The following ESRRB variants were observed in gnomAD, a reference collection of about 807,000 sequenced individuals.
ESRRB encodes steroid hormone receptor ERR2.
A neutral mutation model predicts 46.0 loss-of-function variants in ESRRB; 16 were observed. That is an observed-to-expected ratio of 0.35 (90% CI 0.24 to 0.53). ESRRB has a LOEUF of 0.53. Among genes scored for constraint, ESRRB ranks in the 20% least tolerant of loss-of-function variants. The probability of loss-of-function intolerance (pLI) is 0.93; values close to 1 mark genes in which losing one functional copy is unlikely to be tolerated. For missense variants in ESRRB, 488 were observed against 607.4 expected, an observed-to-expected ratio of 0.80 and a Z score of 2.07; for synonymous variants, 246 against 259.6, an observed-to-expected ratio of 0.95 and a Z score of 0.50.
Position 76,398,596 on chromosome 14 carries a change from G to A in ESRRB, c.50+22145G>A, listed in dbSNP as rs138192155. On this transcript the variant is annotated intron_variant, in intron 1 of 6. Transcript: ENST00000644823. ...GGTGGAAGGAGGGTAGGGCTGTGGG[G>A]GAAGGGGTCAGAGGAGAGGATTGCC... Among the ~76,000 whole-genome samples, 634 of 152,278 alleles carry A rather than the reference G, an allele frequency of 4.2e-3. 6 individuals carry two copies. Among genetic ancestry groups the A allele is most frequent in the African/African-American group, 0.014 (584 of 41,548 alleles).
At chr14:76,341,409 C>G (rs189185955) in intron 1 of ESRRB, among the ~76,000 whole-genome samples, 30 of 152,368 alleles carry the variant, frequency 2.0e-4, no homozygotes, top group African/African-American at 6.0e-4. Context: ...TTCATGTACT[C>G]CCCTCCCTGT....
At chr14:76,338,339 G>T (rs11625186) in intron 1 of ESRRB, among the ~76,000 whole-genome samples, 13,988 of 152,230 alleles carry the variant, frequency 0.092, 780 homozygotes, top group Middle Eastern at 0.16. Context: ...GAGTGCCTGA[G>T]GGGAGCCTGC....
At chr14:76,493,041 T>C (rs185813659) in intron 6 of ESRRB, among the ~76,000 whole-genome samples, 1 of 152,236 alleles carries the variant, frequency 6.6e-6, no homozygotes, top group Non-Finnish European at 1.5e-5. Flanking sequence ...CTGGGTCAGA[T>C]AGACCCAAGT....
chr14:76,452,888 C>T (rs1888453177), intron 2 of ESRRB, among the ~76,000 whole-genome samples: 1 of 152,272 alleles, frequency 6.6e-6, no homozygotes, highest in South Asian at 2.1e-4. Context: ...CACAGAGACC[C>T]TGGAGAGTTT....
chr14:76,472,245 T>C lies in ESRRB; in HGVS notation c.577+9584T>C, dbSNP rs980539109. On this transcript the variant is annotated intron_variant, in intron 3 of 6. Coordinates refer to ENST00000644823, the MANE Select transcript of ESRRB (RefSeq NM_001379180.1). ...TCAGGCGTACAGTTTTGGAGACTTC[T>C]TGGCAGTTGGGAATGCAGGCGTAAC... 3.9e-5 allele frequency among the ~76,000 whole-genome samples: 6 copies of C among 152,232 alleles called. 1 individual carries two copies. The highest frequency in any genetic ancestry group is 8.8e-5 in the Non-Finnish European group (6 of 68,038).
Position 76,376,272 on chromosome 14 carries a change from C to T in ESRRB, c.-130C>T. On this transcript the variant is annotated 5_prime_UTR_variant, in exon 1 of 7. Transcript: ENST00000644823. This position sits in a 1 kb window ranked among gnomAD's most constrained non-coding sequence, Gnocchi z 4.1. ...CCCTCTCCCCCGCCGCGGCCGCCTC[C>T]TCCCACTCTGCGTTCTCGCGCTCAC... is the stretch of plus-strand genomic sequence containing the variant. The T allele has an allele frequency of 1.6e-6, 1 of 636,324 alleles. No homozygotes were observed. Among genetic ancestry groups the T allele is most frequent in the Non-Finnish European group, 2.3e-6 (1 of 444,142 alleles). The allele number at this position is 636,324 out of a possible 1,614,324, so 39.4% of individuals were successfully genotyped here.
chr14:76,497,691 G>A (rs899553613), intron 6 of ESRRB, among the ~76,000 whole-genome samples: 1 of 152,204 alleles, frequency 6.6e-6, no homozygotes, highest in Non-Finnish European at 1.5e-5. Flanking sequence ...TGGGGAGCTG[G>A]TGCCTGGCAG....
rs1362309981 is a variant in ESRRB, at chr14:76,463,445, G to GTTTTTTTTGTTTTTTTTTTTTTT, written c.577+792_577+793insGTTTTTTTTTTTTTTTTTTTTTT. 23 of 114,706 alleles carry GTTTTTTTTGTTTTTTTTTTTTTT rather than the reference G, an allele frequency of 2.0e-4. 3 individuals carry two copies. Among genetic ancestry groups the GTTTTTTTTGTTTTTTTTTTTTTT allele is most frequent in the African/African-American group, 3.3e-4 (9 of 27,290 alleles). The allele number at this position is 114,706 out of a possible 1,614,324, so 7.1% of individuals were successfully genotyped here. A position where few individuals can be genotyped will look rare whatever the true frequency, so the allele number is the denominator to read the frequency against. ...TGAAATTAGCATCACATGCTTCTTTGTTTTTTTTTTTTTTTTTTGGAGACG... is the reference window on the plus strand; with the variant it reads ...TGAAATTAGCATCACATGCTTCTTTGTTTTTTTTGTTTTTTTTTTTTTTTTTTTTTTTTTTTTTTTTGGAGACG... On this transcript the variant is annotated intron_variant, in intron 3 of 6. Coordinates refer to ENST00000644823, the MANE Select transcript of ESRRB (RefSeq NM_001379180.1).
At chr14:76,348,684 G>T (rs1451422968) in intron 1 of ESRRB, among the ~76,000 whole-genome samples, 1 of 152,120 alleles carries the variant, frequency 6.6e-6, no homozygotes, top group African/African-American at 2.4e-5. Context: ...CTAGGCTGAG[G>T]GATCATATTT....
At chr14:76,357,776 G>A (rs1391353139) in intron 1 of ESRRB, among the ~76,000 whole-genome samples, 1 of 152,118 alleles carries the variant, frequency 6.6e-6, no homozygotes, top group Non-Finnish European at 1.5e-5. Context: ...TTGGCCTCCC[G>A]AGTAGCTGGG....
chr14:76,341,567 T>C (rs928516940), intron 1 of ESRRB, among the ~76,000 whole-genome samples: 5 of 152,240 alleles, frequency 3.3e-5, no homozygotes, highest in African/African-American at 1.2e-4. Context: ...CCAAGTTTCC[T>C]AGGGAAGATG....
chr14:76,371,959 A>G (rs1451702402), upstream of ESRRB, among the ~76,000 whole-genome samples: 4 of 152,076 alleles, frequency 2.6e-5, no homozygotes, highest in Non-Finnish European at 4.4e-5. Flanking sequence ...TTTGTGCAAA[A>G]ATGGCTGGTG....
At chr14:76,349,169 G>A (rs938555865) in intron 1 of ESRRB, among the ~76,000 whole-genome samples, 3 of 152,316 alleles carry the variant, frequency 2.0e-5, no homozygotes, top group South Asian at 2.1e-4. Flanking sequence ...TTAAAGCAGC[G>A]AGGGCTGGCG....
At chr14:76,396,822 C>T (rs4903408) in intron 1 of ESRRB, among the ~76,000 whole-genome samples, 9,731 of 152,284 alleles carry the variant, frequency 0.064, 420 homozygotes, top group East Asian at 0.13. Flanking sequence ...GATGCAGCAG[C>T]CAGGCTCGGC....
At chr14:76,430,742 G>C (rs545510973) in intron 1 of ESRRB, among the ~76,000 whole-genome samples, 1 of 152,324 alleles carries the variant, frequency 6.6e-6, no homozygotes, top group African/African-American at 2.4e-5. Context: ...GAACTGGCAC[G>C]TCTGCTACCA....
At position 76,484,936 on chromosome 14, in the gene ESRRB, G is replaced by A. The variant is rs373159946; in HGVS notation, c.850+2177G>A. On this transcript the variant is annotated intron_variant, in intron 5 of 6. Coordinates refer to ENST00000644823, the MANE Select transcript of ESRRB (RefSeq NM_001379180.1). ...ATGTAGCGCGCTTAGTGTGTACACC[G>A]GGTGAATGGCAGAGACGCTTACCAG... 5.3e-5 allele frequency among the ~76,000 whole-genome samples: 8 copies of A among 152,350 alleles called. No homozygotes were observed. In the South Asian group the frequency reaches 1.5e-3, roughly 28 times the overall value.
At chr14:76,332,749 T>C (rs1487922578) in intron 1 of ESRRB, among the ~76,000 whole-genome samples, 28 of 15,762 alleles carry the variant, frequency 1.8e-3, no homozygotes, top group Non-Finnish European at 2.8e-3. Flanking sequence ...TATATTTATA[T>C]ATTATATATA....
chr14:76,420,267 C>A (rs369468755), intron 1 of ESRRB, among the ~76,000 whole-genome samples: 2 of 152,048 alleles, frequency 1.3e-5, no homozygotes, highest in African/African-American at 4.8e-5. Context: ...TCAGGCCCCC[C>A]CAGCAGATGG....
chr14:76,355,749 G>A (rs1000489384), intron 1 of ESRRB, among the ~76,000 whole-genome samples: 1 of 152,116 alleles, frequency 6.6e-6, no homozygotes, highest in Non-Finnish European at 1.5e-5. Context: ...ATACATCAGA[G>A]CACCCAGCAC....
Sources: gnomAD v4.1 joint callset for allele counts (sites outside exome capture counted in the v4.1 genomes callset) on GRCh38, gnomAD v4.1.1 for gene constraint, Gnocchi (gnomAD v3.1) non-coding constraint, MANE v1.5 for transcripts, NCBI Gene and HGNC (gene_info 2026-07-23, HGNC 2026-07-21) for gene names.